The following GNG4 variants were observed in gnomAD, a reference collection of about 807,000 sequenced individuals.
GNG4 encodes G protein subunit gamma 4.
GNG4 carries 4 observed loss-of-function variants against 5.8 expected under a neutral mutation model. The observed-to-expected ratio is 0.69, with a 90% CI of 0.34 to 1.57. The LOEUF is 1.57. GNG4 is among the 40% of genes most tolerant of loss of function. The pLI is 0.06. For missense variants in GNG4, 96 were observed against 95.1 expected, an observed-to-expected ratio of 1.01 and a Z score of -0.04; for synonymous variants, 29 against 32.9, an observed-to-expected ratio of 0.88 and a Z score of 0.41.
rs139893593 is a variant in GNG4, at chr1:235,593,141, G to A, written c.-11+2259C>T. 8.8e-3 allele frequency among the ~76,000 whole-genome samples: 1,342 copies of A among 152,200 alleles called. 22 individuals carry two copies. Among genetic ancestry groups the A allele is most frequent in the African/African-American group, 0.031 (1,282 of 41,514 alleles). ...TTTTTGTATTTTTAGTAGAGATGGGGTTTCACCATGTTGGCCAGGCTGATC... is the reference window on the plus strand; with the variant it reads ...TTTTTGTATTTTTAGTAGAGATGGGATTTCACCATGTTGGCCAGGCTGATC... On this transcript the variant is annotated intron_variant, in intron 2 of 3. Coordinates refer to ENST00000391854, the MANE Select transcript of GNG4 (RefSeq NM_001098722.2).
At chr1:235,632,350 G>C (rs1400382082) in intron 1 of GNG4, among the ~76,000 whole-genome samples, 1 of 152,156 alleles carries the variant, frequency 6.6e-6, no homozygotes, top group Non-Finnish European at 1.5e-5. Flanking sequence ...GCCTCCCAAA[G>C]TGCTGGGATT....
intron 3 of GNG4, among the ~76,000 whole-genome samples, chr1:235,569,427 C>A (rs1687280535): frequency 6.8e-6 from 1 of 147,888 alleles, no homozygotes; most frequent in Non-Finnish European, 1.5e-5. Flanking sequence ...CACTGCACTC[C>A]AGCCTGGGTG....
chr1:235,638,382 G>T (rs1303628073), intron 1 of GNG4, among the ~76,000 whole-genome samples: 1 of 152,116 alleles, frequency 6.6e-6, no homozygotes, highest in Non-Finnish European at 1.5e-5. Flanking sequence ...AAATCAAGGT[G>T]CCAGGAGGGC....
chr1:235,558,785 T>C (rs1403877442), intron 3 of GNG4, among the ~76,000 whole-genome samples: 1 of 152,236 alleles, frequency 6.6e-6, no homozygotes, highest in Non-Finnish European at 1.5e-5. Flanking sequence ...TCAAGTTCAC[T>C]GTGATGAAAT....
intron 1 of GNG4, among the ~76,000 whole-genome samples, chr1:235,626,650 A>AAGAC (rs1159472206): frequency 6.6e-6 from 1 of 152,126 alleles, no homozygotes; most frequent in African/African-American, 2.4e-5. Flanking sequence ...CATTGCTGCC[A>AAGAC]AGACAGCAGC....
At chr1:235,596,300 G>A (rs1489932030) in intron 1 of GNG4, among the ~76,000 whole-genome samples, 1 of 151,946 alleles carries the variant, frequency 6.6e-6, no homozygotes, top group South Asian at 2.1e-4. Flanking sequence ...CATTTTGGGA[G>A]GCCGAGGTGG....
At chr1:235,641,732 T>G (rs961346532) in intron 1 of GNG4, among the ~76,000 whole-genome samples, 3 of 152,020 alleles carry the variant, frequency 2.0e-5, no homozygotes. Flanking sequence ...CATCAACACT[T>G]TCACCTGTTG....
intron 1 of GNG4, among the ~76,000 whole-genome samples, chr1:235,622,040 C>T (rs890910158): frequency 6.6e-6 from 1 of 152,066 alleles, no homozygotes; most frequent in East Asian, 1.9e-4. Context: ...ATAAAATTAA[C>T]TTATGTGGAC....
chr1:235,639,589 G>A (rs989223279), intron 1 of GNG4, among the ~76,000 whole-genome samples: 1 of 152,036 alleles, frequency 6.6e-6, no homozygotes, highest in Non-Finnish European at 1.5e-5. Flanking sequence ...TGTCGCCCAG[G>A]CTGGAGTGCA....
chr1:235,567,292 CACATAT>C (rs1687222147), intron 3 of GNG4, among the ~76,000 whole-genome samples: 2 of 152,072 alleles, frequency 1.3e-5, no homozygotes, highest in African/African-American at 2.4e-5. Context: ...TACATATATA[CACATAT>C]ATGTGTATTT....
intron 1 of GNG4, among the ~76,000 whole-genome samples, chr1:235,640,794 A>C (rs566331250): frequency 6.6e-6 from 1 of 152,346 alleles, no homozygotes; most frequent in South Asian, 2.1e-4. Flanking sequence ...CCGGTGGGCC[A>C]GAGCTCTCCC....
Position 235,625,923 on chromosome 1 carries a change from TAA to T in GNG4, c.-123+23737_-123+23738del, listed in dbSNP as rs1270780203. ...CTGTGTGCAGGTTTTCGTGTGAACA[TAA>T]GTTTTCAACCCAGGAAAATTCCAAG... is the stretch of plus-strand genomic sequence containing the variant. On this transcript the variant is annotated intron_variant, in intron 1 of 3. Transcript: ENST00000391854. Among the ~76,000 whole-genome samples the T allele has an allele frequency of 2.0e-5, 3 of 152,178 alleles. No homozygotes were observed. In the East Asian group the frequency reaches 5.8e-4, roughly 29 times the overall value.
chr1:235,636,267 C>T (rs1226288768), intron 1 of GNG4, among the ~76,000 whole-genome samples: 1 of 152,194 alleles, frequency 6.6e-6, no homozygotes, highest in East Asian at 1.9e-4. Context: ...AGGAATTTTG[C>T]TTTTTACTTC....
rs1484501907 is a variant in GNG4, at chr1:235,643,852, T to C, written c.-123+5810A>G. Among the ~76,000 whole-genome samples the C allele has an allele frequency of 2.6e-5, 4 of 152,322 alleles. No homozygotes were observed. In the South Asian group the frequency reaches 6.2e-4, roughly 24 times the overall value. ...AGCAATTGGCTTCTTTCAGACACTA[T>C]TGACTGCAACAAACCCTAGCACAAG... On this transcript the variant is annotated intron_variant, in intron 1 of 3. Transcript: ENST00000391854.
In GNG4 at chr1:235,583,771, A is replaced by T; in HGVS notation, c.68T>A (p.Leu23Gln). 1 of 1,613,696 alleles carries T rather than the reference A, an allele frequency of 6.2e-7. No homozygotes were observed. Among genetic ancestry groups the T allele is most frequent in the Non-Finnish European group, 8.5e-7 (1 of 1,179,614 alleles). The part of the protein sequence containing the change: ...ISQARKAVEQ[L>Q]KMEACMDRVK... ...CCTGTCCATACAGGCTTCCATCTTT[A>T]GCTGCTCCACAGCTTTCCTGGCTTG... Residue 23 changes from leucine (L) to glutamine (Q), a missense_variant, in exon 3 of 4, where the codon CTA (leucine) becomes CAA (glutamine). Leu to Gln is a moderately radical substitution (Grantham distance 113, BLOSUM62 -2). Coordinates refer to ENST00000391854, the MANE Select transcript of GNG4 (RefSeq NM_001098722.2).
rs141314220 is a variant in GNG4, at chr1:235,634,547, G to C, written c.-123+15115C>G. 9.8e-5 allele frequency among the ~76,000 whole-genome samples: 15 copies of C among 152,350 alleles called. No homozygotes were observed. In the East Asian group the frequency reaches 2.7e-3, roughly 27 times the overall value. ...AGATGGGCTATGTGTCCTAGACTAT[G>C]AAGAAACGCAGATTTATAGCTTATC... On this transcript the variant is annotated intron_variant, in intron 1 of 3. Coordinates refer to ENST00000391854, the MANE Select transcript of GNG4 (RefSeq NM_001098722.2).
chr1:235,590,453 G>A (rs1687931612), intron 2 of GNG4, among the ~76,000 whole-genome samples: 1 of 150,150 alleles, frequency 6.7e-6, no homozygotes. Context: ...AGACTGTCTG[G>A]AAAAAAAAAG....
intron 1 of GNG4, among the ~76,000 whole-genome samples, chr1:235,618,716 C>T (rs988766718): frequency 2.0e-5 from 3 of 150,600 alleles, no homozygotes; most frequent in African/African-American, 7.3e-5. Flanking sequence ...AGTGCAGTGG[C>T]GTGATCTCGG....
At chr1:235,638,353 A>G (rs1389235943) in intron 1 of GNG4, among the ~76,000 whole-genome samples, 1 of 152,170 alleles carries the variant, frequency 6.6e-6, no homozygotes, top group African/African-American at 2.4e-5. Flanking sequence ...AAAAGTCTGA[A>G]ATGGGTCTCG....
Sources: gnomAD v4.1 joint callset for allele counts (sites outside exome capture counted in the v4.1 genomes callset) on GRCh38, gnomAD v4.1.1 for gene constraint, MANE v1.5 for transcripts, NCBI Gene and HGNC (gene_info 2026-07-23, HGNC 2026-07-21) for gene names.